Variants in RCAN1 observed in about 807,000 individuals in gnomAD.
RCAN1 encodes the protein calcipressin-1.
RCAN1 carries 11 observed loss-of-function variants against 22.9 expected under a neutral mutation model. The observed-to-expected ratio is 0.48, with a 90% CI of 0.30 to 0.79. RCAN1 has a LOEUF of 0.79. Ranked by LOEUF, RCAN1 falls within the 30% of genes least tolerant of loss-of-function variation. The probability of loss-of-function intolerance (pLI) is 0.06; values close to 1 mark genes in which losing one functional copy is unlikely to be tolerated. For synonymous variants in RCAN1, 136 were observed against 142.3 expected (o/e 0.96, Z 0.32); for missense variants, 291 against 337.8 (o/e 0.86, Z 1.09).
chr21:34,521,349 G>A, intron 3 of RCAN1, 150 bp downstream of exon 3: 2 of 1,519,884 alleles, frequency 1.3e-6, no homozygotes, highest in Non-Finnish European at 8.8e-7. Flanking sequence ...CCAGCACAAG[G>A]GACGGTGGCG....
chr21:34,603,387 C>T (rs944782963), intron 1 of RCAN1, among the ~76,000 whole-genome samples: 1 of 152,096 alleles, frequency 6.6e-6, no homozygotes, highest in Non-Finnish European at 1.5e-5. Context: ...CCGAAGTCCC[C>T]CGGTTTGTAT....
chr21:34,575,913 A>C (rs1194610312), intron 1 of RCAN1, among the ~76,000 whole-genome samples: 1 of 152,114 alleles, frequency 6.6e-6, no homozygotes. Flanking sequence ...GAGGAAATAA[A>C]CTCAAAGAAT....
At chr21:34,604,994 G>A (rs971747476) in intron 1 of RCAN1, among the ~76,000 whole-genome samples, 1 of 152,196 alleles carries the variant, frequency 6.6e-6, no homozygotes, top group East Asian at 1.9e-4. Context: ...GCACGCCATC[G>A]GCATGCATAA....
intron 1 of RCAN1, among the ~76,000 whole-genome samples, chr21:34,589,239 T>A (rs1987894918): frequency 6.6e-6 from 1 of 151,990 alleles, no homozygotes; most frequent in African/African-American, 2.4e-5. Flanking sequence ...ATACTTTGGA[T>A]CATACAAAGG....
chr21:34,530,456 C>G (rs1985316339), intron 1 of RCAN1, among the ~76,000 whole-genome samples: 1 of 152,122 alleles, frequency 6.6e-6, no homozygotes, highest in African/African-American at 2.4e-5. Flanking sequence ...AATGTGCCCC[C>G]TGTGAAGCTG....
chr21:34,526,945 G>T, intron 1 of RCAN1: 2 of 1,388,416 alleles, frequency 1.4e-6, no homozygotes, highest in Non-Finnish European at 1.9e-6. Flanking sequence ...GTCAAGTCCT[G>T]CATGCTTGCA....
At chr21:34,553,901 C>T (rs950397835) in intron 1 of RCAN1, among the ~76,000 whole-genome samples, 1 of 152,198 alleles carries the variant, frequency 6.6e-6, no homozygotes, top group Non-Finnish European at 1.5e-5. Context: ...AGCAACTACA[C>T]CCTGGCTCTG....
chr21:34,599,229 C>T (rs1284917041), intron 1 of RCAN1, among the ~76,000 whole-genome samples: 2 of 152,128 alleles, frequency 1.3e-5, no homozygotes, highest in Non-Finnish European at 2.9e-5. Flanking sequence ...AAAAACCTGG[C>T]AACAACCTAA....
At chr21:34,580,828 T>G (rs545676243) in intron 1 of RCAN1, among the ~76,000 whole-genome samples, 34 of 152,312 alleles carry the variant, frequency 2.2e-4, no homozygotes, top group African/African-American at 7.9e-4. Context: ...CCCTGTGATA[T>G]CCCTCCTGGC....
chr21:34,528,605 G>T (rs748206281), intron 1 of RCAN1, among the ~76,000 whole-genome samples: 2 of 152,190 alleles, frequency 1.3e-5, no homozygotes, highest in Admixed American at 6.5e-5. Flanking sequence ...TGGTGGGCAG[G>T]AGAGGCTAAG....
chr21:34,526,995 G>A, intron 1 of RCAN1: 1 of 1,307,332 alleles, frequency 7.6e-7, no homozygotes. Context: ...CTGGAAAGAG[G>A]TGACGTCAAC....
intron 1 of RCAN1, among the ~76,000 whole-genome samples, chr21:34,539,197 C>T (rs575312027): frequency 6.6e-6 from 1 of 152,208 alleles, no homozygotes; most frequent in African/African-American, 2.4e-5. Flanking sequence ...TGGCTGTGGG[C>T]AAACATTAGA....
At chr21:34,575,728 G>T (rs1987391851) in intron 1 of RCAN1, among the ~76,000 whole-genome samples, 1 of 152,114 alleles carries the variant, frequency 6.6e-6, no homozygotes, top group African/African-American at 2.4e-5. Context: ...GAAGATTGGT[G>T]ACTGGACTTC....
Position 34,614,877 on chromosome 21 carries a change from G to A in RCAN1, c.135C>T (p.Gly45=). 2 of 1,453,674 alleles carry A rather than the reference G, an allele frequency of 1.4e-6. No homozygotes were observed. Among genetic ancestry groups the A allele is most frequent in the East Asian group, 3.1e-5 (1 of 31,862 alleles). 90.0% of individuals were successfully genotyped at this position (1,453,674 alleles called of 1,614,324 possible). A position where few individuals can be genotyped will look rare whatever the true frequency, so the allele number is the denominator to read the frequency against. The change falls in exon 1 of 4, where the codon GGC becomes GGT. Residue 45 remains glycine, a synonymous_variant. Coordinates refer to ENST00000313806, the MANE Select transcript of RCAN1 (RefSeq NM_004414.7). The surrounding 1 kb of genome is among the most constrained non-coding windows in gnomAD (Gnocchi z 6.0). ...AGTCAATGAAGCTCCAGTCGCCGCC[G>A]CCCTCGTCCGCCTCGGCCGCCCCCG... ...PLSGAAEADE[G]GGDWSFIDCE... is the part of the protein sequence containing the mutation.
intron 1 of RCAN1, among the ~76,000 whole-genome samples, chr21:34,605,822 A>C (rs143707123): frequency 3.8e-4 from 58 of 151,508 alleles, no homozygotes; most frequent in African/African-American, 1.4e-3. Context: ...CAGGAGGCCG[A>C]GGCAGGACAA....
intron 1 of RCAN1, among the ~76,000 whole-genome samples, chr21:34,612,381 C>A (rs1190601157): frequency 6.6e-6 from 1 of 152,230 alleles, no homozygotes; most frequent in Non-Finnish European, 1.5e-5. Flanking sequence ...TCTGCACCTG[C>A]TAGTCCCTCT....
intron 1 of RCAN1, among the ~76,000 whole-genome samples, chr21:34,601,006 C>A (rs1988320286): frequency 6.6e-6 from 1 of 152,218 alleles, no homozygotes; most frequent in South Asian, 2.1e-4. Context: ...GCAGGACCCC[C>A]TGGCCTGAAA....
In RCAN1 at chr21:34,612,728, G is replaced by A. The variant is rs183160362; in HGVS notation, c.252+2032C>T. Among the ~76,000 whole-genome samples, 55 of 152,326 alleles carry A rather than the reference G, an allele frequency of 3.6e-4. 1 individual carries two copies. Among genetic ancestry groups the A allele is most frequent in the Non-Finnish European group, 8.8e-5 (6 of 68,042 alleles). On this transcript the variant is annotated intron_variant, in intron 1 of 3. Transcript: ENST00000313806. Reference sequence around the variant, plus strand: ...CCACACCTTCAAGTCTACAGCTCCTGGCAGGCAGCTCCTCCCCTAGGTTTC... The same window carrying A: ...CCACACCTTCAAGTCTACAGCTCCTAGCAGGCAGCTCCTCCCCTAGGTTTC...
In RCAN1 at chr21:34,614,742, G is replaced by A. The variant is rs1344082842; in HGVS notation, c.252+18C>T. 4.3e-6 allele frequency: 6 copies of A among 1,409,556 alleles called. No homozygotes were observed. The highest frequency in any genetic ancestry group is 5.6e-6 in the Non-Finnish European group (6 of 1,075,372). The allele number at this position is 1,409,556 out of a possible 1,614,324, so 87.3% of individuals were successfully genotyped here. Reference sequence around the variant, plus strand: ...TGTCCGCCCTCCGCCCCGACGGCCCGCCCGGCGCGGTCCTCACCCGGCACA... The same window carrying A: ...TGTCCGCCCTCCGCCCCGACGGCCCACCCGGCGCGGTCCTCACCCGGCACA... On this transcript the variant is annotated intron_variant, in intron 1 of 3. Coordinates refer to ENST00000313806, the MANE Select transcript of RCAN1 (RefSeq NM_004414.7). The surrounding 1 kb of genome is among the most constrained non-coding windows in gnomAD (Gnocchi z 6.0).
Sources: allele counts gnomAD v4.1 joint callset (sites outside exome capture counted in the v4.1 genomes callset), GRCh38; gene constraint gnomAD v4.1.1; non-coding constraint Gnocchi (gnomAD v3.1); transcripts MANE v1.5; gene names NCBI Gene and HGNC (gene_info 2026-07-23, HGNC 2026-07-21).